Variants in FBXW11 observed in about 807,000 individuals in gnomAD.
FBXW11 encodes the protein F-box/WD repeat-containing protein 11.
Under a neutral mutation model 77.6 loss-of-function variants are expected in FBXW11, and 19 were observed. The observed-to-expected ratio is 0.24, with a 90% CI of 0.17 to 0.36. The LOEUF (loss-of-function observed/expected upper bound fraction) is 0.36, where lower values mean the gene tolerates loss of function less well. Ranked by LOEUF, FBXW11 falls within the 10% of genes least tolerant of loss-of-function variation. The pLI is 1.00. For synonymous variants in FBXW11, 235 were observed against 249.4 expected, an observed-to-expected ratio of 0.94 and a Z score of 0.54; for missense variants, 334 against 704.2, an observed-to-expected ratio of 0.47 and a Z score of 5.95.
At chr5:171,924,043 G>A (rs1021174366) in intron 2 of FBXW11, among the ~76,000 whole-genome samples, 19 of 139,734 alleles carry the variant, frequency 1.4e-4, no homozygotes, top group Non-Finnish European at 6.1e-5. Context: ...CCCTGCCTCA[G>A]CCTCCCGAGT....
intron 13 of FBXW11, among the ~76,000 whole-genome samples, chr5:171,865,443 A>G (rs959728930): frequency 1.3e-5 from 2 of 152,212 alleles, no homozygotes; most frequent in Admixed American, 1.3e-4. Context: ...GGGGTTGGGG[A>G]GGATAAATAT....
chr5:171,940,513 G>C (rs950976781), intron 2 of FBXW11, among the ~76,000 whole-genome samples: 4 of 152,148 alleles, frequency 2.6e-5, no homozygotes, highest in Non-Finnish European at 4.4e-5. Context: ...CCAAGGCTGA[G>C]AGTGGGAAAA....
intron 4 of FBXW11, among the ~76,000 whole-genome samples, chr5:171,900,311 A>C (rs1449621155): frequency 6.6e-6 from 1 of 152,202 alleles, no homozygotes; most frequent in Admixed American, 6.5e-5. Context: ...AATTGATAGC[A>C]ACTCTTCTCT....
At chr5:171,971,473 TTTTCC>T (rs1035869975) in intron 1 of FBXW11, among the ~76,000 whole-genome samples, 13 of 152,226 alleles carry the variant, frequency 8.5e-5, no homozygotes, top group Non-Finnish European at 8.8e-5. Flanking sequence ...TTTGTCCTAT[TTTTCC>T]TTTCATCTTC....
intron 2 of FBXW11, among the ~76,000 whole-genome samples, chr5:171,949,357 G>C (rs2113246377): frequency 6.6e-6 from 1 of 152,266 alleles, no homozygotes; most frequent in South Asian, 2.1e-4. Flanking sequence ...ACAACTGATA[G>C]GTCATTCAGA....
chr5:171,869,900 C>A lies in FBXW11; in HGVS notation c.1452-93G>T. 1 of 674,592 alleles carries A rather than the reference C, an allele frequency of 1.5e-6. No individual in the cohort carries two copies. Among genetic ancestry groups the A allele is most frequent in the South Asian group, 2.1e-5 (1 of 47,596 alleles). 41.8% of individuals were successfully genotyped at this position (674,592 alleles called of 1,614,324 possible). A position where few individuals can be genotyped will look rare whatever the true frequency, so the allele number is the denominator to read the frequency against. On this transcript the variant is annotated intron_variant, in intron 11 of 13. Transcript: ENST00000517395. This position sits in a 1 kb window ranked among gnomAD's most constrained non-coding sequence, Gnocchi z 4.1. Reference sequence around the variant, plus strand: ...GAAAAAAAGTAGTGCATCTGAACTGCCTATTTATAAAAGCTAATGGGGAAC... The same window carrying A: ...GAAAAAAAGTAGTGCATCTGAACTGACTATTTATAAAAGCTAATGGGGAAC...
chr5:171,930,725 A>AAAATAAATAAAAAAT (rs1762127106), intron 2 of FBXW11, among the ~76,000 whole-genome samples: 3 of 144,564 alleles, frequency 2.1e-5, no homozygotes, highest in South Asian at 2.1e-4. Flanking sequence ...ATCAATAAAA[A>AAAATAAATAAAAAAT]AAATAAATAA....
intron 6 of FBXW11, among the ~76,000 whole-genome samples, chr5:171,893,494 T>G (rs1467736976): frequency 7.4e-6 from 1 of 135,224 alleles, no homozygotes; most frequent in Non-Finnish European, 1.5e-5. Context: ...ACAACAGATC[T>G]GTCCGGATAA....
intron 1 of FBXW11, among the ~76,000 whole-genome samples, chr5:171,983,002 G>A (rs1765233383): frequency 6.6e-6 from 1 of 152,030 alleles, no homozygotes; most frequent in African/African-American, 2.4e-5. Flanking sequence ...AGGAGTTTGA[G>A]ACCAGCCTGG....
chr5:171,941,043 C>T (rs1762726757), intron 2 of FBXW11, among the ~76,000 whole-genome samples: 1 of 151,994 alleles, frequency 6.6e-6, no homozygotes. Context: ...AAATGAAAAA[C>T]TGAAATTCTG....
Position 171,876,748 on chromosome 5 carries a change from C to T in FBXW11, c.972-214G>A, listed in dbSNP as rs924962138. Among the ~76,000 whole-genome samples the T allele has an allele frequency of 4.6e-5, 7 of 152,106 alleles. No individual in the cohort carries two copies. Among genetic ancestry groups the T allele is most frequent in the Non-Finnish European group, 1.0e-4 (7 of 68,022 alleles). ...GTATCACTCATGAATGGCTTGGTGC[C>T]ATTCTCATAGGAGGGAGTTCACTCT... is the stretch of plus-strand genomic sequence containing the variant. On this transcript the variant is annotated intron_variant, in intron 8 of 13. Transcript: ENST00000517395. This position sits in a 1 kb window ranked among gnomAD's most constrained non-coding sequence, Gnocchi z 4.2.
rs397999920 is a variant in FBXW11, at chr5:171,893,421, C to CAAAAAAAAAAAAAAAAAAAAAAAAAAAAA, written c.715-1818_715-1817insTTTTTTTTTTTTTTTTTTTTTTTTTTTTT. Among the ~76,000 whole-genome samples the CAAAAAAAAAAAAAAAAAAAAAAAAAAAAA allele has an allele frequency of 4.8e-4, 19 of 39,840 alleles. 5 individuals carry two copies. Among genetic ancestry groups the CAAAAAAAAAAAAAAAAAAAAAAAAAAAAA allele is most frequent in the Admixed American group, 1.1e-3 (2 of 1,844 alleles). The allele number at this position is 39,840 out of a possible 152,430, so 26.1% of individuals were successfully genotyped here. ...GACATACAAAAGCACACTTCAAAAC[C>CAAAAAAAAAAAAAAAAAAAAAAAAAAAAA]AAAAAAAAAAAAAAAAAAAAAAAAA... On this transcript the variant is annotated intron_variant, in intron 6 of 13. Transcript: ENST00000517395.
At chr5:171,916,254 GAAA>G (rs34199464) in intron 2 of FBXW11, among the ~76,000 whole-genome samples, 3 of 139,726 alleles carry the variant, frequency 2.1e-5, no homozygotes, top group Non-Finnish European at 3.0e-5. Context: ...AAAAAAATGA[GAAA>G]AAAAAAAAAA....
intron 1 of FBXW11, among the ~76,000 whole-genome samples, chr5:172,003,770 A>G (rs991371984): frequency 6.6e-6 from 1 of 152,230 alleles, no homozygotes; most frequent in Non-Finnish European, 1.5e-5. Flanking sequence ...TTCCTAATAT[A>G]CTTATCAAAA....
chr5:171,982,786 C>G (rs1017943412), intron 1 of FBXW11, among the ~76,000 whole-genome samples: 3 of 152,138 alleles, frequency 2.0e-5, no homozygotes, highest in African/African-American at 7.2e-5. Context: ...AACGGAATCT[C>G]GGTGACCTTC....
intron 4 of FBXW11, among the ~76,000 whole-genome samples, chr5:171,905,059 G>A (rs142621520): frequency 4.7e-4 from 72 of 152,232 alleles, no homozygotes; most frequent in African/African-American, 1.6e-3. Flanking sequence ...AATGCCATCA[G>A]TCCAATTAAG....
At position 171,905,024 on chromosome 5, in the gene FBXW11, C is replaced by G. The variant is rs115543830; in HGVS notation, c.437-4924G>C. ...AGTTTTTACAGAAATAAATCCCTTACTAATACTTATTTCTTCCTCTTTCAA... is the reference window on the plus strand; with the variant it reads ...AGTTTTTACAGAAATAAATCCCTTAGTAATACTTATTTCTTCCTCTTTCAA... On this transcript the variant is annotated intron_variant, in intron 4 of 13. Coordinates refer to ENST00000517395, the MANE Select transcript of FBXW11 (RefSeq NM_001378974.1). 2.1e-3 allele frequency among the ~76,000 whole-genome samples: 318 copies of G among 152,312 alleles called. 1 individual carries two copies. Among genetic ancestry groups the G allele is most frequent in the African/African-American group, 7.2e-3 (301 of 41,580 alleles).
At chr5:171,996,774 CTAA>C (rs1581096656) in intron 1 of FBXW11, 1 of 686,448 alleles carries the variant, frequency 1.5e-6, no homozygotes, top group East Asian at 6.7e-5. Flanking sequence ...GCACAAACGT[CTAA>C]TATTTCTCCC....
chr5:171,930,314 A>T (rs1042391203), intron 2 of FBXW11, among the ~76,000 whole-genome samples: 2 of 152,228 alleles, frequency 1.3e-5, no homozygotes, highest in Admixed American at 1.3e-4. Context: ...CCTACAGCTA[A>T]CATCATACGT....
Sources: gnomAD v4.1 joint callset for allele counts (sites outside exome capture counted in the v4.1 genomes callset) on GRCh38, gnomAD v4.1.1 for gene constraint, Gnocchi (gnomAD v3.1) non-coding constraint, MANE v1.5 for transcripts, NCBI Gene and HGNC (gene_info 2026-07-23, HGNC 2026-07-21) for gene names.